Variants in DNAJC6 observed in about 807,000 individuals in gnomAD.
The protein encoded by DNAJC6 is auxilin.
In DNAJC6, 34 loss-of-function variants were observed where a neutral mutation model predicts 110.0. The observed-to-expected ratio is 0.31, with a 90% CI of 0.24 to 0.41. The LOEUF is 0.41. DNAJC6 is among the 10% of genes least tolerant of loss of function. The probability of loss-of-function intolerance (pLI) is 1.00; values close to 1 mark genes in which losing one functional copy is unlikely to be tolerated. For synonymous variants in DNAJC6, 406 were observed against 437.2 expected (o/e 0.93, Z 0.89); for missense variants, 1,031 against 1,207.8 (o/e 0.85, Z 2.17).
chr1:65,310,050 C>A (rs1645084211), intron 1 of DNAJC6, 112 bp downstream of exon 1: 3 of 1,282,268 alleles, frequency 2.3e-6, no homozygotes, highest in Non-Finnish European at 2.0e-6. Flanking sequence ...TGCGAGAGAG[C>A]CGGGCTGGAG....
intron 13 of DNAJC6, among the ~76,000 whole-genome samples, chr1:65,397,879 G>A (rs1411035639): frequency 6.6e-6 from 1 of 152,118 alleles, no homozygotes; most frequent in African/African-American, 2.4e-5. Context: ...GGAAATAAAA[G>A]GTTTGGAATG....
intron 5 of DNAJC6, among the ~76,000 whole-genome samples, chr1:65,380,890 G>GTTT (rs1302360579): frequency 8.4e-6 from 1 of 118,758 alleles, no homozygotes; most frequent in Non-Finnish European, 1.7e-5. Flanking sequence ...GGGGGAGGGA[G>GTTT]TTTTTTTTTT....
intron 1 of DNAJC6, among the ~76,000 whole-genome samples, chr1:65,285,462 A>G (rs1221803918): frequency 3.3e-5 from 5 of 152,092 alleles, no homozygotes; most frequent in African/African-American, 1.2e-4. Context: ...CGTTTTATGA[A>G]TTGTTGCCTG....
chr1:65,374,408 A>G (rs754192441), intron 4 of DNAJC6, among the ~76,000 whole-genome samples: 69 of 152,246 alleles, frequency 4.5e-4, no homozygotes, highest in Middle Eastern at 3.4e-3. Flanking sequence ...CTTCTAATCC[A>G]TGAGCATGGA....
intron 4 of DNAJC6, among the ~76,000 whole-genome samples, chr1:65,372,580 C>T (rs1408604260): frequency 6.6e-6 from 1 of 152,112 alleles, no homozygotes; most frequent in African/African-American, 2.4e-5. Context: ...TGTTGTGCTA[C>T]TTAATTCTGA....
At chr1:65,319,638 A>G (rs1167637439) in intron 1 of DNAJC6, among the ~76,000 whole-genome samples, 1 of 151,806 alleles carries the variant, frequency 6.6e-6, no homozygotes, top group Non-Finnish European at 1.5e-5. Flanking sequence ...TAAAAAAAAC[A>G]AAAAACAAAA....
At chr1:65,293,238 G>T (rs1644897586) in intron 1 of DNAJC6, among the ~76,000 whole-genome samples, 1 of 152,224 alleles carries the variant, frequency 6.6e-6, no homozygotes, top group Admixed American at 6.5e-5. Flanking sequence ...CCTTATCCTG[G>T]CTTGCAGAAG....
intron 4 of DNAJC6, among the ~76,000 whole-genome samples, chr1:65,367,179 T>C (rs370503883): frequency 1.2e-4 from 18 of 152,158 alleles, no homozygotes; most frequent in African/African-American, 3.9e-4. Flanking sequence ...TCAGAATCAC[T>C]TGGAGGGCTT....
chr1:65,297,550 A>G (rs1408828317), intron 1 of DNAJC6, among the ~76,000 whole-genome samples: 1 of 152,234 alleles, frequency 6.6e-6, no homozygotes, highest in African/African-American at 2.4e-5. Context: ...AAATTATGAC[A>G]GTGACAGATC....
At chr1:65,396,722 ATCTC>A (rs980102012) in intron 13 of DNAJC6, among the ~76,000 whole-genome samples, 10 of 151,592 alleles carry the variant, frequency 6.6e-5, no homozygotes, top group African/African-American at 2.4e-4. Flanking sequence ...TTTTTTTGTC[ATCTC>A]TCTCTCTCTA....
exon 1 of DNAJC6, chr1:65,264,810 T>C: frequency 6.4e-7 from 1 of 1,556,678 alleles, no homozygotes; most frequent in South Asian, 1.2e-5. Flanking sequence ...TTGAGAGACT[T>C]CGCCCCCGAG....
At chr1:65,394,485 A>G (rs1645958786) in intron 12 of DNAJC6, among the ~76,000 whole-genome samples, 1 of 152,192 alleles carries the variant, frequency 6.6e-6, no homozygotes, top group Non-Finnish European at 1.5e-5. Context: ...TGTTGCAAAG[A>G]CTAAATTTTG....
intron 1 of DNAJC6, among the ~76,000 whole-genome samples, chr1:65,277,258 ACT>A (rs928612061): frequency 1.3e-5 from 2 of 152,028 alleles, no homozygotes; most frequent in Non-Finnish European, 1.5e-5. Flanking sequence ...ATTTTTAGTT[ACT>A]CTTTCTTGCC....
At chr1:65,335,503 A>G (rs1427286527) in intron 1 of DNAJC6, among the ~76,000 whole-genome samples, 1 of 152,170 alleles carries the variant, frequency 6.6e-6, no homozygotes, top group Non-Finnish European at 1.5e-5. Context: ...TGAAGAAAAA[A>G]GAGTAGACTA....
intron 13 of DNAJC6, among the ~76,000 whole-genome samples, chr1:65,397,920 G>C (rs372887489): frequency 1.2e-4 from 19 of 152,156 alleles, no homozygotes; most frequent in African/African-American, 4.6e-4. Flanking sequence ...TGGTGATGGG[G>C]TGTGTGTGTG....
chr1:65,375,426 CT>C (rs34114134), intron 4 of DNAJC6, among the ~76,000 whole-genome samples: 28,558 of 136,884 alleles, frequency 0.21, 4,499 homozygotes, highest in East Asian at 0.56. Flanking sequence ...TGAAGTAAAA[CT>C]TTTTTTTTTT....
At chr1:65,288,885 A>G (rs1654104375) in intron 1 of DNAJC6, among the ~76,000 whole-genome samples, 1 of 152,192 alleles carries the variant, frequency 6.6e-6, no homozygotes, top group Non-Finnish European at 1.5e-5. Flanking sequence ...CATTAAGGGA[A>G]TATACTAATT....
upstream of DNAJC6, among the ~76,000 whole-genome samples, chr1:65,309,074 TGGCTTTGGCG>T (rs1165208535): frequency 6.6e-6 from 1 of 152,220 alleles, no homozygotes; most frequent in African/African-American, 2.4e-5. Context: ...ACCGTCCTGG[TGGCTTTGGCG>T]GAATCTTCCG....
intron 1 of DNAJC6, among the ~76,000 whole-genome samples, chr1:65,302,223 ATATAC>A (rs1204600649): frequency 1.0e-4 from 8 of 80,294 alleles, no homozygotes; most frequent in Non-Finnish European, 2.0e-4. Context: ...TATCAATATA[ATATAC>A]TATTATATTG....
Sources: gnomAD v4.1 joint callset for allele counts (sites outside exome capture counted in the v4.1 genomes callset) on GRCh38, gnomAD v4.1.1 for gene constraint, MANE v1.5 for transcripts, NCBI Gene and HGNC (gene_info 2026-07-23, HGNC 2026-07-21) for gene names.